The following CDK14 variants were observed in gnomAD, a reference collection of about 807,000 sequenced individuals.
CDK14 encodes the protein cyclin dependent kinase 14, also known as cyclin-dependent kinase 14.
A neutral mutation model predicts 60.7 loss-of-function variants in CDK14; 34 were observed. The observed-to-expected ratio is 0.56, with a 90% CI of 0.43 to 0.75. The LOEUF is 0.75. Ranked by LOEUF, CDK14 falls within the 30% of genes least tolerant of loss-of-function variation. CDK14 has a pLI of 0.00. For synonymous variants in CDK14, 197 were observed against 203.7 expected (o/e 0.97, Z 0.28); for missense variants, 482 against 564.1 (o/e 0.85, Z 1.47).
At chr7:90,888,955 C>A (rs1281840578) in intron 6 of CDK14, among the ~76,000 whole-genome samples, 1 of 152,226 alleles carries the variant, frequency 6.6e-6, no homozygotes, top group Admixed American at 6.5e-5. Context: ...CTGCTTAACC[C>A]TTTCCTCCAC....
intron 14 of CDK14, among the ~76,000 whole-genome samples, chr7:91,163,288 T>C (rs565262833): frequency 1.3e-5 from 2 of 152,300 alleles, no homozygotes; most frequent in African/African-American, 4.8e-5. Context: ...GTCTTGCTGG[T>C]CCAGGCAGTT....
intron 14 of CDK14, among the ~76,000 whole-genome samples, chr7:91,146,283 C>T (rs1050754027): frequency 6.6e-6 from 1 of 152,182 alleles, no homozygotes; most frequent in African/African-American, 2.4e-5. Context: ...TCACTGCAAC[C>T]TCCAACTCCC....
At chr7:90,895,374 C>A (rs535421279) in intron 6 of CDK14, among the ~76,000 whole-genome samples, 154 of 4,078 alleles carry the variant, frequency 0.038, 13 homozygotes, top group South Asian at 0.06. Context: ...TCCTCCCCTC[C>A]CCTCTCCTCT....
chr7:91,015,386 C>CA (rs1796269678), intron 10 of CDK14, among the ~76,000 whole-genome samples: 1 of 152,064 alleles, frequency 6.6e-6, no homozygotes, highest in Non-Finnish European at 1.5e-5. Flanking sequence ...CAATTCAGAT[C>CA]AAACAGATTG....
chr7:90,878,458 C>T (rs1420523774), intron 6 of CDK14, among the ~76,000 whole-genome samples: 1 of 152,146 alleles, frequency 6.6e-6, no homozygotes, highest in Non-Finnish European at 1.5e-5. Context: ...TTCCTTTGTC[C>T]AGTCTTGCTC....
intron 2 of CDK14, among the ~76,000 whole-genome samples, chr7:90,648,016 G>C (rs893688243): frequency 1.3e-5 from 2 of 152,152 alleles, no homozygotes; most frequent in African/African-American, 4.8e-5. Context: ...GGGTATGTTA[G>C]TTATCTATTG....
chr7:90,833,649 T>G (rs569154211), intron 5 of CDK14, among the ~76,000 whole-genome samples: 1 of 152,316 alleles, frequency 6.6e-6, no homozygotes, highest in Admixed American at 6.5e-5. Flanking sequence ...CTTGATTTAT[T>G]GTTGGATAAA....
chr7:91,143,418 G>A (rs896533261), intron 14 of CDK14, among the ~76,000 whole-genome samples: 8 of 152,024 alleles, frequency 5.3e-5, no homozygotes, highest in Non-Finnish European at 1.2e-4. Flanking sequence ...CAATTGTAAG[G>A]TTAATAATAA....
chr7:90,781,710 A>G (rs1434861064), intron 4 of CDK14, among the ~76,000 whole-genome samples: 3 of 151,314 alleles, frequency 2.0e-5, no homozygotes, highest in Admixed American at 6.6e-5. Context: ...CAGGTTTGTC[A>G]AAGATCAGAT....
chr7:90,731,131 TTTTGTCAGG>T (rs1236107135), intron 3 of CDK14, among the ~76,000 whole-genome samples: 1 of 147,800 alleles, frequency 6.8e-6, no homozygotes, highest in Admixed American at 6.7e-5. Flanking sequence ...ATTGCTTTGT[TTTTGTCAGG>T]TTTGTCAGAG....
In CDK14 at chr7:90,596,485, C is replaced by A. The variant is rs1345359214; in HGVS notation, c.-143C>A. 1 of 659,790 alleles carries A rather than the reference C, an allele frequency of 1.5e-6. No individual in the cohort carries two copies. The highest frequency in any genetic ancestry group is 1.8e-5 in the South Asian group (1 of 56,638). The allele number at this position is 659,790 out of a possible 1,614,324, so 40.9% of individuals were successfully genotyped here. ...CCTCCGCCTGCCTGCTGCTCGCCTCCCTAGACCTGCGCGTCGCTTCCCGGC... is the reference window on the plus strand; with the variant it reads ...CCTCCGCCTGCCTGCTGCTCGCCTCACTAGACCTGCGCGTCGCTTCCCGGC... On this transcript the variant is annotated 5_prime_UTR_variant, in exon 1 of 15. Coordinates refer to ENST00000380050, the MANE Select transcript of CDK14 (RefSeq NM_001287135.2).
At chr7:90,755,380 G>GC (rs933914024) in intron 4 of CDK14, among the ~76,000 whole-genome samples, 2 of 152,138 alleles carry the variant, frequency 1.3e-5, no homozygotes, top group Non-Finnish European at 2.9e-5. Context: ...ACCAAATATT[G>GC]CATGTTTTCA....
chr7:91,102,841 C>T (rs1013557915), intron 12 of CDK14, among the ~76,000 whole-genome samples: 1 of 152,122 alleles, frequency 6.6e-6, no homozygotes, highest in African/African-American at 2.4e-5. Flanking sequence ...CTGCCTACTT[C>T]TTCAATTTTT....
intron 14 of CDK14, among the ~76,000 whole-genome samples, chr7:91,177,647 G>C (rs1301013308): frequency 1.3e-5 from 2 of 151,394 alleles, no homozygotes; most frequent in East Asian, 3.9e-4. Context: ...AAAATCACAA[G>C]CATTCTTATA....
intron 6 of CDK14, among the ~76,000 whole-genome samples, chr7:90,882,662 G>A (rs1431250674): frequency 6.6e-6 from 1 of 152,118 alleles, no homozygotes; most frequent in Non-Finnish European, 1.5e-5. Context: ...GTGCCACATG[G>A]CACTTACTCT....
chr7:91,114,047 A>T (rs2116359720), intron 13 of CDK14, among the ~76,000 whole-genome samples: 1 of 152,284 alleles, frequency 6.6e-6, no homozygotes, highest in East Asian at 1.9e-4. Context: ...ATGGGAAAAT[A>T]ATTTTCCTAT....
At chr7:90,705,127 T>A (rs997272341) in intron 2 of CDK14, among the ~76,000 whole-genome samples, 2 of 151,726 alleles carry the variant, frequency 1.3e-5, no homozygotes, top group Admixed American at 6.6e-5. Flanking sequence ...TTCTGTTTTC[T>A]TTATTACTTT....
intron 10 of CDK14, among the ~76,000 whole-genome samples, chr7:91,027,448 T>C (rs1366952146): frequency 6.6e-6 from 1 of 152,166 alleles, no homozygotes; most frequent in Non-Finnish European, 1.5e-5. Context: ...CAGCCATACT[T>C]CCTCGGAAGA....
intron 5 of CDK14, among the ~76,000 whole-genome samples, chr7:90,833,974 C>A (rs752871777): frequency 4.6e-5 from 7 of 152,122 alleles, no homozygotes; most frequent in Non-Finnish European, 7.4e-5. Flanking sequence ...CAATTTAAAA[C>A]CATTTAGACC....
Sources: allele counts gnomAD v4.1 joint callset (sites outside exome capture counted in the v4.1 genomes callset), GRCh38; gene constraint gnomAD v4.1.1; transcripts MANE v1.5; gene names NCBI Gene and HGNC (gene_info 2026-07-23, HGNC 2026-07-21).